SFXN5: variants seen among roughly 807,000 people sequenced by gnomAD.
The protein encoded by SFXN5 is sideroflexin-5.
A neutral mutation model predicts 50.2 loss-of-function variants in SFXN5; 43 were observed. The observed-to-expected ratio is 0.86, with a 90% CI of 0.67 to 1.11. The LOEUF (loss-of-function observed/expected upper bound fraction) is 1.11, where lower values mean the gene tolerates loss of function less well. Ranked by LOEUF, SFXN5 falls within the 50% of genes least tolerant of loss-of-function variation. The pLI is 0.00. For synonymous variants in SFXN5, 203 were observed against 185.8 expected, an observed-to-expected ratio of 1.09 and a Z score of -0.75; for missense variants, 463 against 454.1, an observed-to-expected ratio of 1.02 and a Z score of -0.18.
intron 13 of SFXN5, among the ~76,000 whole-genome samples, chr2:72,955,199 G>A (rs1163027793): frequency 2.6e-5 from 4 of 152,206 alleles, no homozygotes; most frequent in Admixed American, 6.5e-5. Context: ...ATTGACAGTT[G>A]GTGAAGAGGA....
chr2:72,997,442 G>A (rs1673381618), intron 9 of SFXN5: 1 of 152,124 alleles, frequency 6.6e-6, no homozygotes, highest in Admixed American at 6.5e-5. Context: ...TTTTTCATTA[G>A]AGATAAGATC....
intron 1 of SFXN5, 25 bp from the exon 2 acceptor site, chr2:73,058,621 A>G: frequency 6.2e-7 from 1 of 1,609,410 alleles, no homozygotes; most frequent in Non-Finnish European, 8.5e-7. Context: ...GAGAGAGAAG[A>G]GTGAATGGAT....
intron 2 of SFXN5, among the ~76,000 whole-genome samples, chr2:73,051,536 G>A (rs947132263): frequency 3.9e-5 from 6 of 152,088 alleles, no homozygotes; most frequent in South Asian, 2.1e-4. Flanking sequence ...GATTACAGGC[G>A]TGAGCCACCG....
At chr2:72,958,775 C>T (rs549263423) in intron 13 of SFXN5, among the ~76,000 whole-genome samples, 25 of 152,076 alleles carry the variant, frequency 1.6e-4, no homozygotes, top group Non-Finnish European at 3.2e-4. Context: ...CTGCAGGTTT[C>T]CCAGGGTGAG....
chr2:73,030,677 C>T (rs1384511807), intron 3 of SFXN5, among the ~76,000 whole-genome samples: 4 of 151,890 alleles, frequency 2.6e-5, no homozygotes, highest in Non-Finnish European at 5.9e-5. Flanking sequence ...CTGGAAACCG[C>T]GTCTGCTTTC....
intron 8 of SFXN5, among the ~76,000 whole-genome samples, chr2:72,999,375 T>G (rs1673628560): frequency 6.6e-6 from 1 of 151,828 alleles, no homozygotes; most frequent in Non-Finnish European, 1.5e-5. Flanking sequence ...AGGGGGCCAT[T>G]TGGCATCTGG....
chr2:72,972,873 G>A (rs1403886939), intron 10 of SFXN5, among the ~76,000 whole-genome samples: 7 of 152,166 alleles, frequency 4.6e-5, no homozygotes, highest in African/African-American at 1.4e-4. Context: ...GGCTGTGAAC[G>A]CTGATTAGCA....
chr2:72,965,944 A>T (rs778376991), intron 12 of SFXN5, among the ~76,000 whole-genome samples: 2 of 152,148 alleles, frequency 1.3e-5, no homozygotes, highest in Non-Finnish European at 2.9e-5. Flanking sequence ...TGGGAATGCA[A>T]CATCTTGAGA....
chr2:72,999,493 G>A (rs1183857165), intron 8 of SFXN5, among the ~76,000 whole-genome samples: 1 of 151,978 alleles, frequency 6.6e-6, no homozygotes, highest in Non-Finnish European at 1.5e-5. Flanking sequence ...AATATCTCTA[G>A]AGAATAATAT....
At chr2:72,997,842 C>T (rs1460255289) in intron 9 of SFXN5, 1 of 152,266 alleles carries the variant, frequency 6.6e-6, no homozygotes, top group African/African-American at 2.4e-5. Context: ...ATCTTCCCGC[C>T]TTGGCCTTCC....
At chr2:73,025,431 C>A (rs1020956437) in intron 3 of SFXN5, among the ~76,000 whole-genome samples, 1 of 152,194 alleles carries the variant, frequency 6.6e-6, no homozygotes, top group Non-Finnish European at 1.5e-5. Flanking sequence ...GTGCTCAATA[C>A]GTGCTTAATG....
chr2:73,020,385 T>C, intron 5 of SFXN5, 121 bp from the exon 6 acceptor site: 2 of 928,400 alleles, frequency 2.2e-6, no homozygotes, highest in South Asian at 3.0e-5. Flanking sequence ...CTCAGGTCAG[T>C]TAGGCGGGAG....
In SFXN5 at chr2:72,953,044, G is replaced by A. The variant is rs895195835; in HGVS notation, c.946-7945C>T. Among the ~76,000 whole-genome samples, 2 of 152,214 alleles carry A rather than the reference G, an allele frequency of 1.3e-5. No homozygotes were observed. The highest frequency in any genetic ancestry group is 2.4e-5 in the African/African-American group (1 of 41,462). Reference sequence around the variant, plus strand: ...GGGGGAAAGGCTGTCAGGCAGCCCCGCCGAGGCCTGCCACCCGGGCATGTG... The same window carrying A: ...GGGGGAAAGGCTGTCAGGCAGCCCCACCGAGGCCTGCCACCCGGGCATGTG... On this transcript the variant is annotated intron_variant, in intron 13 of 13. Transcript: ENST00000272433. The surrounding 1 kb of genome is among the most constrained non-coding windows in gnomAD (Gnocchi z 4.1).
chr2:72,974,431 T>G (rs1670381752), intron 10 of SFXN5, among the ~76,000 whole-genome samples: 1 of 152,124 alleles, frequency 6.6e-6, no homozygotes, highest in African/African-American at 2.4e-5. Context: ...CCCAGCCTCC[T>G]TCCCCTCATC....
chr2:72,993,479 C>T (rs1672858308), intron 9 of SFXN5, among the ~76,000 whole-genome samples: 1 of 152,204 alleles, frequency 6.6e-6, no homozygotes, highest in African/African-American at 2.4e-5. Context: ...AATCCTGACC[C>T]CTGAACCATG....
chr2:73,043,060 T>G (rs1387892189), intron 2 of SFXN5, among the ~76,000 whole-genome samples: 4 of 152,200 alleles, frequency 2.6e-5, no homozygotes, highest in African/African-American at 9.6e-5. Context: ...AGAGTGAGCC[T>G]GTCTCCAATA....
rs1184321008 is a variant in SFXN5 at position 72,953,888 on chromosome 2, C to A, written c.945+7243G>T. Reference sequence around the variant, plus strand: ...TTTAGCCAGGCTGGTTCATCAAAACCACCATTTTCATCAGGGCTGGTAAGA... The same window carrying A: ...TTTAGCCAGGCTGGTTCATCAAAACAACCATTTTCATCAGGGCTGGTAAGA... On this transcript the variant is annotated intron_variant, in intron 13 of 13. Transcript: ENST00000272433. The surrounding 1 kb of genome is among the most constrained non-coding windows in gnomAD (Gnocchi z 4.1). Among the ~76,000 whole-genome samples the A allele has an allele frequency of 6.6e-6, 1 of 152,208 alleles. No homozygotes were observed. Among genetic ancestry groups the A allele is most frequent in the Non-Finnish European group, 1.5e-5 (1 of 68,038 alleles).
At chr2:73,055,996 C>G (rs1356393029) in intron 2 of SFXN5, among the ~76,000 whole-genome samples, 1 of 152,066 alleles carries the variant, frequency 6.6e-6, no homozygotes, top group African/African-American at 2.4e-5. Context: ...AAATTAGCCA[C>G]GCGTGATGGT....
intron 3 of SFXN5, among the ~76,000 whole-genome samples, chr2:73,036,139 G>C (rs1466907351): frequency 6.6e-6 from 1 of 152,176 alleles, no homozygotes; most frequent in Non-Finnish European, 1.5e-5. Flanking sequence ...AGAACCACCC[G>C]GGCCGCTTCA....
Sources: gnomAD v4.1 joint callset for allele counts (sites outside exome capture counted in the v4.1 genomes callset) on GRCh38, gnomAD v4.1.1 for gene constraint, Gnocchi (gnomAD v3.1) non-coding constraint, MANE v1.5 for transcripts, NCBI Gene and HGNC (gene_info 2026-07-23, HGNC 2026-07-21) for gene names.